The following DST variants were observed in gnomAD, a reference collection of about 807,000 sequenced individuals.
The protein encoded by DST is dystonin, also known as bullous pemphigoid antigen.
A neutral mutation model predicts 875.2 loss-of-function variants in DST; 253 were observed. The ratio of observed to expected loss-of-function variants is 0.29; its 90% CI spans 0.26 to 0.32. The LOEUF is 0.32. Among genes scored for constraint, DST ranks in the 10% least tolerant of loss-of-function variants. The probability of loss-of-function intolerance (pLI) is 1.00; values close to 1 mark genes in which losing one functional copy is unlikely to be tolerated. For missense variants in DST, 8,287 were observed against 9,111.6 expected, an observed-to-expected ratio of 0.91 and a Z score of 3.68; for synonymous variants, 3,124 against 3,197.1, an observed-to-expected ratio of 0.98 and a Z score of 0.77.
At chr6:56,508,496 T>G (rs1214390430) in intron 75 of DST, 33 bp downstream of exon 75, 5 of 1,546,338 alleles carry the variant, frequency 3.2e-6, no homozygotes, top group Non-Finnish European at 3.6e-6. Context: ...CCACAACTTA[T>G]TTTTCTAACT....
chr6:56,760,582 T>C (rs577650411), intron 4 of DST, among the ~76,000 whole-genome samples: 1 of 152,328 alleles, frequency 6.6e-6, no homozygotes, highest in Non-Finnish European at 1.5e-5. Context: ...CCAGGGTAAT[T>C]ATAAATACAA....
intron 2 of DST, among the ~76,000 whole-genome samples, chr6:56,909,077 A>G (rs1040465255): frequency 6.6e-6 from 1 of 152,162 alleles, no homozygotes; most frequent in Non-Finnish European, 1.5e-5. Context: ...TTCTTGTGGG[A>G]GATCCAAGAA....
At chr6:56,722,051 ATTC>A (rs1430317543) in intron 5 of DST, among the ~76,000 whole-genome samples, 1 of 152,090 alleles carries the variant, frequency 6.6e-6, no homozygotes, top group African/African-American at 2.4e-5. Flanking sequence ...GGTACAAAAT[ATTC>A]TTCTTCTTTT....
At chr6:56,638,918 T>C (rs1194063178) in intron 22 of DST, 5 of 347,568 alleles carry the variant, frequency 1.4e-5, no homozygotes, top group Non-Finnish European at 2.1e-5. Flanking sequence ...CCATTCTTGG[T>C]AGGAAAATGA....
At chr6:56,917,860 C>A (rs1371175776) in intron 2 of DST, among the ~76,000 whole-genome samples, 1 of 152,108 alleles carries the variant, frequency 6.6e-6, no homozygotes, top group Non-Finnish European at 1.5e-5. Flanking sequence ...TTTTAAAGAT[C>A]TACTTGTGTG....
intron 5 of DST, among the ~76,000 whole-genome samples, chr6:56,732,338 A>G (rs2099503219): frequency 6.6e-6 from 1 of 152,248 alleles, no homozygotes; most frequent in Non-Finnish European, 1.5e-5. Context: ...CTTTTTTTCA[A>G]GTATCGCTAA....
intron 4 of DST, among the ~76,000 whole-genome samples, chr6:56,847,834 ATCC>A (rs2099808835): frequency 6.6e-6 from 1 of 152,226 alleles, no homozygotes; most frequent in Admixed American, 6.5e-5. Context: ...TTAACAACAC[ATCC>A]ATTTATCATA....
In DST at chr6:56,648,600, T is replaced by C; in HGVS notation, c.1524A>G (p.Arg508=). The change falls in exon 13 of 104, where the codon AGA becomes AGG. Residue 508 remains arginine, a synonymous_variant. Transcript: ENST00000680361. ...GTTCTACAGGATTATTAGGAAATGT[T>C]CTCTCAGACATTGTGGTCACATGGT... ...IRHHVTTMSE[R]TFPNNPVELK... The C allele has an allele frequency of 6.3e-7, 1 of 1,588,104 alleles. No individual in the cohort carries two copies. Among genetic ancestry groups the C allele is most frequent in the Non-Finnish European group, 8.6e-7 (1 of 1,164,936 alleles).
At position 56,603,917 on chromosome 6, in the gene DST, G is replaced by A. The variant is rs1401178115; in HGVS notation, c.10711C>T (p.Leu3571=). 4 of 1,611,448 alleles carry A rather than the reference G, an allele frequency of 2.5e-6. No homozygotes were observed. The highest frequency in any genetic ancestry group is 3.4e-6 in the Non-Finnish European group (4 of 1,178,630). Reference sequence around the variant, plus strand: ...AAATGGCTTGGGAAATCATTACACAGATCCTTGAGCTTCTCATCTCTTGGC... The same window carrying A: ...AAATGGCTTGGGAAATCATTACACAAATCCTTGAGCTTCTCATCTCTTGGC... ...TLPRDEKLKD[L]CNDFPSHLEC... The change falls in exon 40 of 104, where the codon CTG becomes TTG. Residue 3571 remains leucine, a synonymous_variant. Transcript: ENST00000680361.
At chr6:56,833,915 A>T (rs904565608) in intron 4 of DST, among the ~76,000 whole-genome samples, 18 of 145,966 alleles carry the variant, frequency 1.2e-4, no homozygotes, top group African/African-American at 4.2e-4. Flanking sequence ...ACTCAACAAT[A>T]AAAAAAAAAA....
At chr6:56,621,545 G>C (rs1328068829) in intron 36 of DST, among the ~76,000 whole-genome samples, 1 of 152,030 alleles carries the variant, frequency 6.6e-6, no homozygotes, top group East Asian at 1.9e-4. Context: ...AAAGATATTT[G>C]TTAAGTATAA....
At chr6:56,745,008 T>C (rs2099568422) in intron 4 of DST, among the ~76,000 whole-genome samples, 1 of 152,194 alleles carries the variant, frequency 6.6e-6, no homozygotes, top group African/African-American at 2.4e-5. Flanking sequence ...GACTTATCTC[T>C]GTGGAAGGAC....
chr6:56,778,260 G>C (rs1449154822), intron 4 of DST, among the ~76,000 whole-genome samples: 1 of 151,356 alleles, frequency 6.6e-6, no homozygotes, highest in Non-Finnish European at 1.5e-5. Flanking sequence ...AAATTGTCCA[G>C]GTTATCATGG....
At chr6:56,925,423 T>C (rs1270349536) in intron 2 of DST, among the ~76,000 whole-genome samples, 1 of 152,198 alleles carries the variant, frequency 6.6e-6, no homozygotes, top group Non-Finnish European at 1.5e-5. Flanking sequence ...AGTCAGGAGT[T>C]AAAGCACACT....
chr6:56,465,988 G>T, intron 99 of DST, 90 bp downstream of exon 99: 2 of 1,043,668 alleles, frequency 1.9e-6, no homozygotes, highest in East Asian at 2.7e-5. Flanking sequence ...TGGAATAAAT[G>T]ACCAAAATTA....
rs1170203745 is a variant in DST at position 56,535,218 on chromosome 6, C to A, written c.16845G>T (p.Leu5615=). 6.2e-7 allele frequency: 1 copy of A among 1,613,592 alleles called. No individual in the cohort carries two copies. Among genetic ancestry groups the A allele is most frequent in the South Asian group, 1.1e-5 (1 of 90,938 alleles). Residue 5615 remains leucine (L), a synonymous_variant, in exon 63 of 104, where the codon CTG becomes CTT. Coordinates refer to ENST00000680361, the MANE Select transcript of DST (RefSeq NM_001374736.1). ...CCTCAGTGTCCACCATCCAGCTGAGCAGGGACTCCAGGGCATCCTGGAACC... is the reference window on the plus strand; with the variant it reads ...CCTCAGTGTCCACCATCCAGCTGAGAAGGGACTCCAGGGCATCCTGGAACC... ...CGRFQDALES[L]LSWMVDTEEL...
chr6:56,657,521 C>G (rs1209273954), intron 10 of DST, among the ~76,000 whole-genome samples: 1 of 151,754 alleles, frequency 6.6e-6, no homozygotes, highest in African/African-American at 2.4e-5. Flanking sequence ...TTTCCTTCCT[C>G]AATTTAAAAA....
At position 56,607,188 on chromosome 6, in the gene DST, T is replaced by G. The variant is rs780392895; in HGVS notation, c.7440A>C (p.Gln2480His). The change falls in exon 40 of 104, where the codon CAA becomes CAC. Residue 2480 changes from glutamine (Q) to histidine (H), a missense_variant. Gln to His is a conservative substitution (Grantham distance 24). Transcript: ENST00000680361. The stretch of plus-strand genomic sequence containing the variant: ...GGTCTTGAAATTTTTCTCCTATTCT[T>G]TGACCTGACAACATGGTTTTGTCAC... ...SFSDKTMLSGQRIGEKFQDQF... is the reference protein window; with the variant it reads ...SFSDKTMLSGHRIGEKFQDQF... 1.2e-6 allele frequency: 2 copies of G among 1,613,494 alleles called. No homozygotes were observed. The highest frequency in any genetic ancestry group is 1.3e-5 in the African/African-American group (1 of 75,004).
rs764756085 is a variant in DST, at chr6:56,605,507, C to A, written c.9121G>T (p.Asp3041Tyr). 6.2e-7 allele frequency: 1 copy of A among 1,612,920 alleles called. No individual in the cohort carries two copies. Among genetic ancestry groups the A allele is most frequent in the African/African-American group, 1.3e-5 (1 of 74,974 alleles). Reference sequence around the variant, plus strand: ...GATGTTTCATCTTCTATTAGAATATCACTTTTGCCATCTCTCCCTTTAATG... The same window carrying A: ...GATGTTTCATCTTCTATTAGAATATAACTTTTGCCATCTCTCCCTTTAATG... Reference protein sequence around the residue: ...DLIKGRDGKSDILIEDETSIQ... With the variant: ...DLIKGRDGKSYILIEDETSIQ... Residue 3041 changes from aspartate (D) to tyrosine (Y), a missense_variant, in exon 40 of 104, where the codon GAT becomes TAT. Physicochemically the swap from Asp to Tyr is radical, Grantham distance 160 (BLOSUM62 -3). Coordinates refer to ENST00000680361, the MANE Select transcript of DST (RefSeq NM_001374736.1).
Sources: gnomAD v4.1 joint callset for allele counts (sites outside exome capture counted in the v4.1 genomes callset) on GRCh38, gnomAD v4.1.1 for gene constraint, MANE v1.5 for transcripts, NCBI Gene and HGNC (gene_info 2026-07-23, HGNC 2026-07-21) for gene names.